Variants in GRID1 observed in about 807,000 individuals in gnomAD.
The protein encoded by GRID1 is glutamate receptor ionotropic, delta-1.
GRID1 carries 28 observed loss-of-function variants against 98.0 expected under a neutral mutation model. The ratio of observed to expected loss-of-function variants is 0.29; its 90% CI spans 0.21 to 0.39. The LOEUF is 0.39. Among genes scored for constraint, GRID1 ranks in the 10% least tolerant of loss-of-function variants. The pLI is 1.00. For synonymous variants in GRID1, 553 were observed against 538.5 expected, an observed-to-expected ratio of 1.03 and a Z score of -0.37; for missense variants, 1,111 against 1,340.5, an observed-to-expected ratio of 0.83 and a Z score of 2.67.
intron 13 of GRID1, among the ~76,000 whole-genome samples, chr10:85,632,077 T>G (rs1842982061): frequency 6.6e-6 from 1 of 151,658 alleles, no homozygotes; most frequent in Non-Finnish European, 1.5e-5. Flanking sequence ...TGGCATAGAG[T>G]TGGTGCTAAG....
intron 12 of GRID1, among the ~76,000 whole-genome samples, chr10:85,653,057 G>C (rs1043337904): frequency 6.6e-6 from 1 of 152,198 alleles, no homozygotes; most frequent in Non-Finnish European, 1.5e-5. Context: ...TGTGGTCTCT[G>C]AGGGCCACAC....
rs776378287 is a variant in GRID1, at chr10:85,755,632, GAA to G, written c.1234-26020_1234-26019del. Among the ~76,000 whole-genome samples, 82 of 152,304 alleles carry G rather than the reference GAA, an allele frequency of 5.4e-4. No individual in the cohort carries two copies. The Middle Eastern group carries it at 0.01, about 19-fold the overall frequency. On this transcript the variant is annotated intron_variant, in intron 8 of 15. Coordinates refer to ENST00000327946, the MANE Select transcript of GRID1 (RefSeq NM_017551.3). ...ATGCTCTGCTGGCGTGAGAGCGTGAGAAAACCTGAGGCAGCTGGTACCACTCT... is the reference window on the plus strand; with the variant it reads ...ATGCTCTGCTGGCGTGAGAGCGTGAGAACCTGAGGCAGCTGGTACCACTCT...
intron 4 of GRID1, among the ~76,000 whole-genome samples, chr10:85,983,053 C>A (rs144252535): frequency 7.9e-5 from 12 of 152,338 alleles, no homozygotes; most frequent in East Asian, 3.9e-4. Flanking sequence ...CAGAAACACA[C>A]AAATTTCTGG....
chr10:86,140,366 C>A (rs1844994111), intron 3 of GRID1, among the ~76,000 whole-genome samples: 1 of 152,238 alleles, frequency 6.6e-6, no homozygotes, highest in Admixed American at 6.5e-5. Flanking sequence ...GTTAGTTCCA[C>A]CAGGGTTTGT....
At chr10:85,735,820 G>T (rs980846432) in intron 8 of GRID1, among the ~76,000 whole-genome samples, 1 of 150,604 alleles carries the variant, frequency 6.6e-6, no homozygotes, top group African/African-American at 2.4e-5. Flanking sequence ...AGGGATGGAG[G>T]GATGCAGGGA....
At chr10:85,913,979 G>A (rs1433427505) in intron 5 of GRID1, among the ~76,000 whole-genome samples, 2 of 152,144 alleles carry the variant, frequency 1.3e-5, no homozygotes, top group Admixed American at 1.3e-4. Context: ...TACACTGCTG[G>A]CCATGGTGAG....
At chr10:85,955,397 C>T (rs2153828) in intron 4 of GRID1, among the ~76,000 whole-genome samples, 18,619 of 152,058 alleles carry the variant, frequency 0.12, 1,299 homozygotes, top group Admixed American at 0.22. Context: ...GTGCCAAGAA[C>T]CTGGACGCAA....
intron 8 of GRID1, among the ~76,000 whole-genome samples, chr10:85,809,376 A>G (rs962300225): frequency 6.6e-6 from 1 of 152,194 alleles, no homozygotes; most frequent in African/African-American, 2.4e-5. Context: ...AAAGTAATAA[A>G]AGCCACACCT....
intron 8 of GRID1, among the ~76,000 whole-genome samples, chr10:85,794,359 G>C (rs886196313): frequency 6.6e-6 from 1 of 152,174 alleles, no homozygotes; most frequent in Non-Finnish European, 1.5e-5. Context: ...TCAGAGCATC[G>C]GTGCTAAAGA....
rs531708468 is a variant in GRID1 at position 85,916,098 on chromosome 10, G to A, written c.780+88C>T. ...GGATTCACAACAGCCCCCTAAGTCA[G>A]AATTGAACTGAAAAGAATCACACTG... On this transcript the variant is annotated intron_variant, in intron 5 of 15. Transcript: ENST00000327946. The surrounding 1 kb of genome is among the most constrained non-coding windows in gnomAD (Gnocchi z 4.0). 1 of 1,027,834 alleles carries A rather than the reference G, an allele frequency of 9.7e-7. No homozygotes were observed. The highest frequency in any genetic ancestry group is 1.9e-5 in the Admixed American group (1 of 52,502). The allele number at this position is 1,027,834 out of a possible 1,614,324, so 63.7% of individuals were successfully genotyped here.
chr10:86,118,109 T>G lies in GRID1; in HGVS notation c.726+20710A>C, dbSNP rs935099714. Among the ~76,000 whole-genome samples, 7 of 152,218 alleles carry G rather than the reference T, an allele frequency of 4.6e-5. No individual in the cohort carries two copies. The East Asian group carries it at 1.2e-3, about 25-fold the overall frequency. On this transcript the variant is annotated intron_variant, in intron 4 of 15. Coordinates refer to ENST00000327946, the MANE Select transcript of GRID1 (RefSeq NM_017551.3). ...AAAATGTGAGACAGATAGATAGATA[T>G]ATATACACACACACACACATCACCA... is the stretch of plus-strand genomic sequence containing the variant.
rs11201830 is a variant in GRID1, at chr10:85,912,160, G to A, written c.780+4026C>T. On this transcript the variant is annotated intron_variant, in intron 5 of 15. Transcript: ENST00000327946. The stretch of plus-strand genomic sequence containing the variant: ...GCTGAATCTGGCCATGCCCTCAAGG[G>A]ACTCACAGTTCAGTGGCCACCTTGA... Among the ~76,000 whole-genome samples the A allele has an allele frequency of 5.1e-4, 77 of 152,322 alleles. No homozygotes were observed. The East Asian group carries it at 0.012, about 24-fold the overall frequency.
intron 5 of GRID1, among the ~76,000 whole-genome samples, chr10:85,892,940 C>T (rs1471470337): frequency 6.6e-6 from 1 of 151,996 alleles, no homozygotes; most frequent in African/African-American, 2.4e-5. Context: ...TATCTCTGGG[C>T]ATAGATACAA....
intron 2 of GRID1, among the ~76,000 whole-genome samples, chr10:86,239,350 C>CA (rs1846591011): frequency 6.6e-6 from 1 of 152,192 alleles, no homozygotes; most frequent in African/African-American, 2.4e-5. Context: ...TTTGAGCTTG[C>CA]AGGCTCATAG....
At chr10:85,849,728 C>T (rs754971374) in intron 8 of GRID1, among the ~76,000 whole-genome samples, 9 of 152,174 alleles carry the variant, frequency 5.9e-5, no homozygotes, top group Non-Finnish European at 1.0e-4. Flanking sequence ...TGGTGCTATG[C>T]ATCTCCCCAG....
intron 8 of GRID1, among the ~76,000 whole-genome samples, chr10:85,836,761 A>T (rs1842914940): frequency 6.6e-6 from 1 of 152,178 alleles, no homozygotes; most frequent in Non-Finnish European, 1.5e-5. Flanking sequence ...GGTCTTGCAC[A>T]TCAAACAGGA....
At chr10:85,820,075 CAGGTAGGCAGGCAGGCAGGCAGGA>C (rs1564600297) in intron 8 of GRID1, among the ~76,000 whole-genome samples, 7 of 89,214 alleles carry the variant, frequency 7.8e-5, no homozygotes, top group South Asian at 8.6e-4. Flanking sequence ...GGCAGGAAGG[CAGGTAGGCAGGCAGGCAGGCAGGA>C]AGGAAGGGAG....
intron 3 of GRID1, among the ~76,000 whole-genome samples, chr10:86,200,372 G>C (rs903960933): frequency 1.3e-5 from 2 of 152,186 alleles, no homozygotes; most frequent in Non-Finnish European, 2.9e-5. Context: ...CCAAGGAAAA[G>C]ACTGGCCCAA....
chr10:85,970,852 T>A (rs1842398839), intron 4 of GRID1, among the ~76,000 whole-genome samples: 1 of 151,992 alleles, frequency 6.6e-6, no homozygotes, highest in Admixed American at 6.6e-5. Flanking sequence ...GAAAAGGAAA[T>A]TTTAAAACAT....
Sources: allele counts gnomAD v4.1 joint callset (sites outside exome capture counted in the v4.1 genomes callset), GRCh38; gene constraint gnomAD v4.1.1; non-coding constraint Gnocchi (gnomAD v3.1); transcripts MANE v1.5; gene names NCBI Gene and HGNC (gene_info 2026-07-23, HGNC 2026-07-21).